The following TRIM29 variants were observed in gnomAD, a reference collection of about 807,000 sequenced individuals.
TRIM29 encodes tripartite motif containing 29, also known as tripartite motif-containing protein 29.
Under a neutral mutation model 57.3 loss-of-function variants are expected in TRIM29, and 52 were observed. The observed-to-expected ratio is 0.91, with a 90% CI of 0.73 to 1.14. The LOEUF is 1.14. Among genes scored for constraint, TRIM29 ranks in the 50% most tolerant of loss-of-function variants. The pLI, the probability that TRIM29 is intolerant of heterozygous loss-of-function variation, is 0.00. For missense variants in TRIM29, 753 were observed against 774.6 expected, an observed-to-expected ratio of 0.97 and a Z score of 0.33; for synonymous variants, 319 against 316.9, an observed-to-expected ratio of 1.01 and a Z score of -0.07.
At chr11:120,128,810 T>G in intron 1 of TRIM29, 1 of 1,528,402 alleles carries the variant, frequency 6.5e-7, no homozygotes, top group South Asian at 1.2e-5. Context: ...GGAGGGAAAC[T>G]CATTTACAGG....
At chr11:120,129,600 G>T (rs1863675724) in intron 1 of TRIM29, among the ~76,000 whole-genome samples, 1 of 152,222 alleles carries the variant, frequency 6.6e-6, no homozygotes, top group South Asian at 2.1e-4. Context: ...CAGGAGTCAT[G>T]AGCACCTGGG....
intron 5 of TRIM29, chr11:120,121,241 G>A: frequency 4.3e-6 from 1 of 234,302 alleles, no homozygotes; most frequent in Non-Finnish European, 8.5e-6. Context: ...CTTCCTGTAA[G>A]CCTTTGTGCC....
At chr11:120,127,202 ATGG>A in intron 3 of TRIM29, 131 bp downstream of exon 3, 1 of 720,630 alleles carries the variant, frequency 1.4e-6, no homozygotes, top group Non-Finnish European at 2.3e-6. Context: ...GGATGGTTGG[ATGG>A]CTGGATGGTG....
At chr11:120,114,874 G>A (rs1001156485) in intron 8 of TRIM29, among the ~76,000 whole-genome samples, 8 of 151,948 alleles carry the variant, frequency 5.3e-5, no homozygotes, top group East Asian at 1.9e-4. Flanking sequence ...ATCTATTCCC[G>A]ACTTTCCAGT....
intron 1 of TRIM29, among the ~76,000 whole-genome samples, chr11:120,130,224 T>C (rs1863691331): frequency 6.6e-6 from 1 of 152,104 alleles, no homozygotes; most frequent in Admixed American, 6.5e-5. Flanking sequence ...GAGAGTGGAC[T>C]GGGGGTCTGT....
At chr11:120,122,123 TGTGTGTGA>T in intron 5 of TRIM29, 1 of 310,718 alleles carries the variant, frequency 3.2e-6, no homozygotes, top group Non-Finnish European at 6.3e-6. Context: ...TCTCCCATTG[TGTGTGTGA>T]GTGTGTGTGT....
chr11:120,137,858 G>T lies in TRIM29; in HGVS notation c.174C>A (p.Ser58Arg), dbSNP rs144796428. 1 of 1,611,668 alleles carries T rather than the reference G, an allele frequency of 6.2e-7. No individual in the cohort carries two copies. The highest frequency in any genetic ancestry group is 1.1e-5 in the South Asian group (1 of 91,082). The change falls in exon 1 of 9, where the codon AGC becomes AGA. Residue 58 changes from serine to arginine, a missense_variant. By Grantham distance (110) the Ser-to-Arg change is moderately radical. Coordinates refer to ENST00000341846, the MANE Select transcript of TRIM29 (RefSeq NM_012101.4). This position sits in a 1 kb window ranked among gnomAD's most constrained non-coding sequence, Gnocchi z 6.2. ...TCCTACCTTCCCCTGGCTTCAGGGC[G>T]CTGCCCAGGCTCTTGCCCTCAGCTG... ...GEAAEGKSLG[S>R]ALKPGEGRSA...
intron 6 of TRIM29, among the ~76,000 whole-genome samples, 199 bp from the exon 7 acceptor site, chr11:120,118,520 G>A (rs561971150): frequency 6.6e-6 from 1 of 152,140 alleles, no homozygotes; most frequent in South Asian, 2.1e-4. Context: ...GCATAGTCTT[G>A]TCCCTGCCCT....
In TRIM29 at chr11:120,111,642, C is replaced by T. The variant is rs1863137407; in HGVS notation, c.*772G>A. The T allele has an allele frequency of 6.6e-6, 1 of 152,214 alleles. No individual in the cohort carries two copies. The highest frequency in any genetic ancestry group is 1.5e-5 in the Non-Finnish European group (1 of 68,060). The allele number at this position is 152,214 out of a possible 1,614,324, so 9.4% of individuals were successfully genotyped here. A position where few individuals can be genotyped will look rare whatever the true frequency, so the allele number is the denominator to read the frequency against. On this transcript the variant is annotated 3_prime_UTR_variant, in exon 9 of 9. Coordinates refer to ENST00000341846, the MANE Select transcript of TRIM29 (RefSeq NM_012101.4). ...GGCAAATGGTAAATGGTAGCTGGGC[C>T]AGTAGCTATTTGCATGGGTGGATTA...
intron 6 of TRIM29, among the ~76,000 whole-genome samples, chr11:120,119,720 C>A (rs1262052160): frequency 6.6e-6 from 1 of 152,050 alleles, no homozygotes; most frequent in Non-Finnish European, 1.5e-5. Flanking sequence ...TGCCCCTGAC[C>A]CTCCAGTCTC....
In TRIM29 at chr11:120,137,279, C is replaced by T; in HGVS notation, c.753G>A (p.Glu251=). The stretch of plus-strand genomic sequence containing the variant: ...CTGTCACGGTGCTATGATTCTTGTG[C>T]TCCTGGAACATGCAAAGGTAGCAGA... ...TCICYLCMFQ[E]HKNHSTVTVE... Residue 251 remains glutamate, a synonymous_variant, in exon 1 of 9, where the codon GAG becomes GAA. Coordinates refer to ENST00000341846, the MANE Select transcript of TRIM29 (RefSeq NM_012101.4). This position sits in a 1 kb window ranked among gnomAD's most constrained non-coding sequence, Gnocchi z 6.2. 1.9e-6 allele frequency: 3 copies of T among 1,614,192 alleles called. No individual in the cohort carries two copies. Among genetic ancestry groups the T allele is most frequent in the Non-Finnish European group, 2.5e-6 (3 of 1,180,030 alleles).
chr11:120,112,299 C>T lies in TRIM29; in HGVS notation c.*115G>A. 1.6e-6 allele frequency: 2 copies of T among 1,259,964 alleles called. No homozygotes were observed. The highest frequency in any genetic ancestry group is 2.2e-6 in the Non-Finnish European group (2 of 889,192). 78.0% of individuals were successfully genotyped at this position (1,259,964 alleles called of 1,614,324 possible). A position where few individuals can be genotyped will look rare whatever the true frequency, so the allele number is the denominator to read the frequency against. On this transcript the variant is annotated 3_prime_UTR_variant, in exon 9 of 9. Coordinates refer to ENST00000341846, the MANE Select transcript of TRIM29 (RefSeq NM_012101.4). ...GAGGCTGGCAGAGGGCTGCAGAGGG[C>T]AGGTGCAGGACCAGGCTCCCTCCCA... is the stretch of plus-strand genomic sequence containing the variant.
At chr11:120,136,647 C>G (rs1473899036) in intron 1 of TRIM29, among the ~76,000 whole-genome samples, 3 of 152,052 alleles carry the variant, frequency 2.0e-5, no homozygotes, top group African/African-American at 7.3e-5. Flanking sequence ...AGCCACTGTA[C>G]GACAATAAAA....
At chr11:120,115,260 C>A in intron 8 of TRIM29, 78 bp downstream of exon 8, 2 of 1,422,480 alleles carry the variant, frequency 1.4e-6, no homozygotes, top group Non-Finnish European at 2.0e-6. Flanking sequence ...GGCCCTGGAA[C>A]CGATTGCCTC....
At chr11:120,120,367 AC>A (rs1863405806) in intron 6 of TRIM29, among the ~76,000 whole-genome samples, 1 of 150,314 alleles carries the variant, frequency 6.7e-6, no homozygotes, top group African/African-American at 2.5e-5. Flanking sequence ...ACACACACAC[AC>A]ACACACACAC....
chr11:120,116,776 CTTG>C, intron 7 of TRIM29: 2 of 197,102 alleles, frequency 1.0e-5, no homozygotes, highest in South Asian at 1.5e-4. Context: ...AGACACCCGC[CTTG>C]TGCAGCAGGC....
intron 1 of TRIM29, among the ~76,000 whole-genome samples, chr11:120,131,069 A>T (rs1320751434): frequency 6.6e-6 from 1 of 152,134 alleles, no homozygotes; most frequent in African/African-American, 2.4e-5. Flanking sequence ...GGAGGACAAA[A>T]GGGGATGAGG....
chr11:120,114,586 C>T (rs1221210865), intron 8 of TRIM29, among the ~76,000 whole-genome samples: 1 of 152,238 alleles, frequency 6.6e-6, no homozygotes, highest in Non-Finnish European at 1.5e-5. Flanking sequence ...AATGGACCTT[C>T]AGGAGCAAGG....
intron 8 of TRIM29, among the ~76,000 whole-genome samples, chr11:120,114,873 C>T (rs556807209): frequency 1.3e-5 from 2 of 152,200 alleles, no homozygotes; most frequent in African/African-American, 2.4e-5. Flanking sequence ...TATCTATTCC[C>T]GACTTTCCAG....
Sources: gnomAD v4.1 joint callset for allele counts (sites outside exome capture counted in the v4.1 genomes callset) on GRCh38, gnomAD v4.1.1 for gene constraint, Gnocchi (gnomAD v3.1) non-coding constraint, MANE v1.5 for transcripts, NCBI Gene and HGNC (gene_info 2026-07-23, HGNC 2026-07-21) for gene names.